The following CNTNAP4 variants were observed in gnomAD, a reference collection of about 807,000 sequenced individuals.
The protein encoded by CNTNAP4 is contactin associated protein family member 4.
A neutral mutation model predicts 148.4 loss-of-function variants in CNTNAP4; 98 were observed. That is an observed-to-expected ratio of 0.66 (90% CI 0.56 to 0.78). The LOEUF (loss-of-function observed/expected upper bound fraction) is 0.78. CNTNAP4 is among the 30% of genes least tolerant of loss of function. The pLI is 0.00. For missense variants in CNTNAP4, 1,935 were observed against 1,565.6 expected (o/e 1.24, Z -3.98); for synonymous variants, 730 against 565.1 (o/e 1.29, Z -4.14).
chr16:76,435,337 C>A (rs2079783385), intron 4 of CNTNAP4, among the ~76,000 whole-genome samples: 1 of 152,110 alleles, frequency 6.6e-6, no homozygotes, highest in African/African-American at 2.4e-5. Context: ...ATTAATTAGC[C>A]AATGCCAGAG....
At chr16:76,540,281 A>C (rs1171247523) in intron 20 of CNTNAP4, among the ~76,000 whole-genome samples, 1 of 152,118 alleles carries the variant, frequency 6.6e-6, no homozygotes, top group Admixed American at 6.6e-5. Context: ...AGCACTAATA[A>C]TTTTTTGGTT....
chr16:76,325,813 A>G (rs557106947), intron 2 of CNTNAP4, among the ~76,000 whole-genome samples: 17 of 152,320 alleles, frequency 1.1e-4, no homozygotes, highest in Middle Eastern at 3.4e-3. Context: ...AGCATGTAAT[A>G]CAATCAAGAA....
At chr16:76,300,909 A>G (rs1037841826) in intron 1 of CNTNAP4, among the ~76,000 whole-genome samples, 2 of 151,510 alleles carry the variant, frequency 1.3e-5, no homozygotes, top group African/African-American at 2.4e-5. Flanking sequence ...TATTTTATTT[A>G]TTTATTTTAT....
intron 11 of CNTNAP4, 85 bp downstream of exon 11, chr16:76,476,130 C>A: frequency 1.1e-6 from 1 of 876,718 alleles, no homozygotes; most frequent in Non-Finnish European, 1.8e-6. Context: ...GTATATATGT[C>A]TGTTCTGTGC....
chr16:76,502,068 CA>C (rs60515495), intron 15 of CNTNAP4, among the ~76,000 whole-genome samples: 147 of 134,780 alleles, frequency 1.1e-3, no homozygotes, highest in Non-Finnish European at 7.9e-4. Flanking sequence ...GACTCCGTCT[CA>C]AAAAAAAAAA....
In CNTNAP4 at chr16:76,460,816, A is replaced by G. The variant is rs144249529; in HGVS notation, c.1334-1140A>G. ...TATATTTAGAATTGTATATAAATAT[A>G]TAGAGAGTTTATTCACATTGTTTAC... On this transcript the variant is annotated intron_variant, in intron 8 of 23. Transcript: ENST00000611870. Among the ~76,000 whole-genome samples the G allele has an allele frequency of 9.0e-4, 125 of 139,190 alleles. 1 individual carries two copies. The highest frequency in any genetic ancestry group is 3.1e-3 in the African/African-American group (117 of 37,720). 91.3% of individuals were successfully genotyped at this position (139,190 alleles called of 152,430 possible). A position where few individuals can be genotyped will look rare whatever the true frequency, so the allele number is the denominator to read the frequency against.
In CNTNAP4 at chr16:76,449,708, T is replaced by G. The variant is rs1364209038; in HGVS notation, c.928-7T>G. 3.2e-5 allele frequency: 49 copies of G among 1,551,570 alleles called. No individual in the cohort carries two copies. Among genetic ancestry groups the G allele is most frequent in the Non-Finnish European group, 4.3e-5 (49 of 1,151,814 alleles). On this transcript the variant is annotated splice_polypyrimidine_tract_variant and splice_region_variant and intron_variant, in intron 6 of 23. Transcript: ENST00000611870. Reference sequence around the variant, plus strand: ...ACAATATTATTGATGCCATTTTTCTTTCTAAGATCAGCTTTGGAGGGATTC... The same window carrying G: ...ACAATATTATTGATGCCATTTTTCTGTCTAAGATCAGCTTTGGAGGGATTC...
intron 3 of CNTNAP4, among the ~76,000 whole-genome samples, chr16:76,382,921 G>T (rs2016133944): frequency 6.6e-6 from 1 of 152,124 alleles, no homozygotes; most frequent in Non-Finnish European, 1.5e-5. Flanking sequence ...AATTTGAAAA[G>T]AATTTCACTG....
intron 10 of CNTNAP4, among the ~76,000 whole-genome samples, chr16:76,474,181 C>T (rs1231930172): frequency 1.3e-5 from 2 of 152,254 alleles, no homozygotes; most frequent in East Asian, 1.9e-4. Context: ...AGTTAGGCTC[C>T]TACCTCCCCA....
chr16:76,417,765 C>T (rs186495953), intron 3 of CNTNAP4, among the ~76,000 whole-genome samples: 1 of 151,730 alleles, frequency 6.6e-6, no homozygotes, highest in Non-Finnish European at 1.5e-5. Context: ...CTTCTTCAAA[C>T]ATTTCTTATA....
intron 11 of CNTNAP4, 57 bp downstream of exon 11, chr16:76,476,102 C>T: frequency 8.5e-7 from 1 of 1,183,374 alleles, no homozygotes; most frequent in Non-Finnish European, 1.3e-6. Context: ...TGTCCCATTT[C>T]CCTTTTCATT....
chr16:76,325,111 G>A (rs1217108563), intron 2 of CNTNAP4, among the ~76,000 whole-genome samples: 3 of 152,048 alleles, frequency 2.0e-5, no homozygotes, highest in African/African-American at 7.2e-5. Context: ...CCAAATAACA[G>A]AGTTTTAAAA....
chr16:76,319,366 G>C lies in CNTNAP4; in HGVS notation c.196+2843G>C, dbSNP rs191996593. The stretch of plus-strand genomic sequence containing the variant: ...AGATTGTGCTGTTGCACTCCAGGGT[G>C]ACAGAGTGAGACTCTGTCTCAAAAG... On this transcript the variant is annotated intron_variant, in intron 2 of 23. Transcript: ENST00000611870. Among the ~76,000 whole-genome samples the C allele has an allele frequency of 5.6e-4, 85 of 152,220 alleles. 1 individual carries two copies. Among genetic ancestry groups the C allele is most frequent in the Middle Eastern group, 6.8e-3 (2 of 294 alleles).
intron 3 of CNTNAP4, among the ~76,000 whole-genome samples, chr16:76,364,282 C>T (rs909727869): frequency 7.4e-6 from 1 of 135,596 alleles, no homozygotes; most frequent in African/African-American, 2.7e-5. Context: ...AATATATGAA[C>T]TCTTATGAGC....
At chr16:76,550,567 A>T (rs1404271747) in intron 21 of CNTNAP4, among the ~76,000 whole-genome samples, 1 of 152,170 alleles carries the variant, frequency 6.6e-6, no homozygotes, top group Non-Finnish European at 1.5e-5. Context: ...AATTTTATTC[A>T]ACATTTTAAC....
chr16:76,300,776 G>A (rs929853), intron 1 of CNTNAP4, among the ~76,000 whole-genome samples: 50,338 of 151,894 alleles, frequency 0.33, 8,836 homozygotes, highest in African/African-American at 0.38. Context: ...ACATTGGCAC[G>A]TTGGCAAGCA....
intron 9 of CNTNAP4, among the ~76,000 whole-genome samples, chr16:76,463,234 A>G (rs1418675828): frequency 1.3e-5 from 2 of 152,226 alleles, no homozygotes; most frequent in Non-Finnish European, 2.9e-5. Context: ...AACTTAACCC[A>G]GAGCTTTTAC....
Position 76,538,308 on chromosome 16 carries a change from A to T in CNTNAP4, c.3188A>T (p.Lys1063Ile). The part of the protein sequence containing the change: ...SLLLFVSSFY[K>I]EYLSVIIAKN... ...CTGCTTTTTGTGAGCTCCTTTTACA[A>T]AGAATACCTTTCTGTGATCATTGCC... Residue 1063 changes from lysine (K) to isoleucine (I), a missense_variant, in exon 19 of 24, where the codon AAA becomes ATA. By Grantham distance (102) the Lys-to-Ile change is moderately radical (BLOSUM62 -3). Coordinates refer to ENST00000611870, the MANE Select transcript of CNTNAP4 (RefSeq NM_033401.5). 6.2e-7 allele frequency: 1 copy of T among 1,605,372 alleles called. No individual in the cohort carries two copies. Among genetic ancestry groups the T allele is most frequent in the Non-Finnish European group, 8.5e-7 (1 of 1,176,978 alleles).
At chr16:76,549,340 G>A (rs1262286827) in intron 21 of CNTNAP4, among the ~76,000 whole-genome samples, 1 of 152,134 alleles carries the variant, frequency 6.6e-6, no homozygotes, top group African/African-American at 2.4e-5. Context: ...AGCTGAGTGA[G>A]GAGAGGTTTC....
Sources: gnomAD v4.1 joint callset for allele counts (sites outside exome capture counted in the v4.1 genomes callset) on GRCh38, gnomAD v4.1.1 for gene constraint, MANE v1.5 for transcripts, NCBI Gene and HGNC (gene_info 2026-07-23, HGNC 2026-07-21) for gene names.